Variants in EMCN observed in about 807,000 individuals in gnomAD.
EMCN encodes the protein MUC-14.
EMCN carries 37 observed loss-of-function variants against 38.4 expected under a neutral mutation model. The observed-to-expected ratio is 0.96, with a 90% CI of 0.74 to 1.27. The LOEUF is 1.27. Among genes scored for constraint, EMCN ranks in the 50% most tolerant of loss-of-function variants. EMCN has a pLI of 0.00. For missense variants in EMCN, 318 were observed against 302.8 expected (o/e 1.05, Z -0.37); for synonymous variants, 95 against 100.8 (o/e 0.94, Z 0.35).
rs1398677693 is a variant in EMCN, at chr4:100,395,842, A to G, written c.*2571T>C. 1 of 152,164 alleles carries G rather than the reference A, an allele frequency of 6.6e-6. No individual in the cohort carries two copies. The highest frequency in any genetic ancestry group is 1.5e-5 in the Non-Finnish European group (1 of 68,022). 9.4% of individuals were successfully genotyped at this position (152,164 alleles called of 1,614,324 possible). A position where few individuals can be genotyped will look rare whatever the true frequency, so the allele number is the denominator to read the frequency against. On this transcript the variant is annotated 3_prime_UTR_variant, in exon 12 of 12. Coordinates refer to ENST00000296420, the MANE Select transcript of EMCN (RefSeq NM_016242.4). ...GCCTGTATGTCAGCCAACAACATCC[A>G]CTTAGTCTCAGGTGACAACAGTGCC... is the stretch of plus-strand genomic sequence containing the variant.
chr4:100,412,131 CTCTT>C (rs1200344919), intron 10 of EMCN, among the ~76,000 whole-genome samples: 1 of 152,130 alleles, frequency 6.6e-6, no homozygotes, highest in African/African-American at 2.4e-5. Context: ...AAGAGACTCT[CTCTT>C]CCTTCTAGAA....
chr4:100,453,358 A>G (rs1447709805), intron 4 of EMCN, among the ~76,000 whole-genome samples: 4 of 152,110 alleles, frequency 2.6e-5, no homozygotes, highest in Non-Finnish European at 4.4e-5. Context: ...AAAAGTGGGC[A>G]AAGGATATGA....
At chr4:100,496,375 A>T (rs534231537) in intron 1 of EMCN, among the ~76,000 whole-genome samples, 1 of 152,332 alleles carries the variant, frequency 6.6e-6, no homozygotes, top group South Asian at 2.1e-4. Flanking sequence ...TGGCAAAAGG[A>T]AATGCCAAAT....
chr4:100,492,633 A>T (rs752782061), intron 1 of EMCN, among the ~76,000 whole-genome samples: 1 of 152,210 alleles, frequency 6.6e-6, no homozygotes, highest in Admixed American at 6.5e-5. Flanking sequence ...AACATTAAAG[A>T]TGAATAAAAA....
chr4:100,513,129 G>T (rs571103794), intron 1 of EMCN, among the ~76,000 whole-genome samples: 1 of 152,250 alleles, frequency 6.6e-6, no homozygotes, highest in Non-Finnish European at 1.5e-5. Context: ...TCTGACAACT[G>T]TTATAAATCT....
At chr4:100,442,938 C>T (rs1727563976) in intron 5 of EMCN, among the ~76,000 whole-genome samples, 1 of 152,194 alleles carries the variant, frequency 6.6e-6, no homozygotes, top group Non-Finnish European at 1.5e-5. Context: ...AAATCTCCAC[C>T]TCCCAGATTC....
At chr4:100,409,524 T>G (rs1220424580) in intron 11 of EMCN, among the ~76,000 whole-genome samples, 1 of 152,200 alleles carries the variant, frequency 6.6e-6, no homozygotes, top group African/African-American at 2.4e-5. Flanking sequence ...ATTTCCATTT[T>G]TTATTGATTC....
rs560577185 is a variant in EMCN, at chr4:100,473,983, A to T, written c.259+1055T>A. On this transcript the variant is annotated intron_variant, in intron 3 of 11. Transcript: ENST00000296420. ...ACTTCCCAAAGCCAAACTTGCACCA[A>T]ATAAAGGTCATGGTCACTGTTTGGT... 7 of 153,020 alleles carry T rather than the reference A, an allele frequency of 4.6e-5. No individual in the cohort carries two copies. The East Asian group carries it at 1.2e-3, about 25-fold the overall frequency. 9.5% of individuals were successfully genotyped at this position (153,020 alleles called of 1,614,324 possible).
intron 5 of EMCN, among the ~76,000 whole-genome samples, chr4:100,447,192 A>C (rs1018959121): frequency 2.6e-5 from 4 of 152,182 alleles, no homozygotes; most frequent in African/African-American, 9.6e-5. Context: ...AGAAAGTAAG[A>C]GAAGACATTT....
chr4:100,452,485 C>G (rs1048991841), intron 4 of EMCN, among the ~76,000 whole-genome samples: 2 of 152,008 alleles, frequency 1.3e-5, no homozygotes, highest in Admixed American at 6.6e-5. Context: ...TATTGGAGTT[C>G]CGCACATCCC....
At chr4:100,463,933 C>A (rs768020166) in intron 4 of EMCN, among the ~76,000 whole-genome samples, 23 of 152,038 alleles carry the variant, frequency 1.5e-4, no homozygotes, top group Non-Finnish European at 3.1e-4. Flanking sequence ...GTCATCTTAT[C>A]AATTTCTTTA....
intron 4 of EMCN, among the ~76,000 whole-genome samples, chr4:100,450,660 T>G (rs59869606): frequency 0.046 from 7,026 of 152,042 alleles, 571 homozygotes; most frequent in African/African-American, 0.16. Context: ...GGCTAAACCA[T>G]GACGTCTGAC....
At chr4:100,459,697 C>T (rs567916852) in intron 4 of EMCN, among the ~76,000 whole-genome samples, 1 of 152,134 alleles carries the variant, frequency 6.6e-6, no homozygotes. Context: ...CTGTGCCAGA[C>T]GTATTTCAGT....
rs532959449 is a variant in EMCN at position 100,435,779 on chromosome 4, A to G, written c.415+11754T>C. 2.6e-4 allele frequency among the ~76,000 whole-genome samples: 40 copies of G among 152,344 alleles called. 1 individual carries two copies. In the South Asian group the frequency reaches 7.1e-3, roughly 27 times the overall value. ...CCTGACAAAAACAAGCAATGGGGAA[A>G]GGATTTTCTATTTAGTAAATGATGC... On this transcript the variant is annotated intron_variant, in intron 5 of 11. Transcript: ENST00000296420.
At chr4:100,517,327 A>C (rs1729784518) in intron 1 of EMCN, among the ~76,000 whole-genome samples, 1 of 152,088 alleles carries the variant, frequency 6.6e-6, no homozygotes, top group Non-Finnish European at 1.5e-5. Context: ...AATCAAATGA[A>C]TCTCTCTCTA....
At chr4:100,465,292 C>T in intron 4 of EMCN, 131 bp downstream of exon 4, 4 of 527,280 alleles carry the variant, frequency 7.6e-6, no homozygotes, top group Non-Finnish European at 6.8e-6. Context: ...AATGATTGTT[C>T]TATTGGGTAG....
intron 11 of EMCN, among the ~76,000 whole-genome samples, chr4:100,409,212 C>T (rs535172069): frequency 4.9e-5 from 7 of 141,502 alleles, no homozygotes; most frequent in African/African-American, 1.6e-4. Context: ...ATTCTGGACA[C>T]GTATTTATTT....
At chr4:100,503,419 T>G (rs2110303044) in intron 1 of EMCN, among the ~76,000 whole-genome samples, 1 of 152,280 alleles carries the variant, frequency 6.6e-6, no homozygotes, top group African/African-American at 2.4e-5. Flanking sequence ...TTTGCAGTAG[T>G]ATTTCCTTTT....
At chr4:100,470,959 AAG>A (rs1480632385) in intron 3 of EMCN, among the ~76,000 whole-genome samples, 1 of 152,036 alleles carries the variant, frequency 6.6e-6, no homozygotes, top group Non-Finnish European at 1.5e-5. Context: ...AAGCAATGGA[AAG>A]AAGGAAATTT....
Sources: allele counts gnomAD v4.1 joint callset (sites outside exome capture counted in the v4.1 genomes callset), GRCh38; gene constraint gnomAD v4.1.1; transcripts MANE v1.5; gene names NCBI Gene and HGNC (gene_info 2026-07-23, HGNC 2026-07-21).